CDCA3: variants seen among roughly 807,000 people sequenced by gnomAD.
The protein encoded by CDCA3 is cell division cycle associated 3.
CDCA3 carries 16 observed loss-of-function variants against 29.1 expected under a neutral mutation model. The observed-to-expected ratio is 0.55, with a 90% CI of 0.37 to 0.83. CDCA3 has a LOEUF of 0.83. Among genes scored for constraint, CDCA3 ranks in the 40% least tolerant of loss-of-function variants. CDCA3 has a pLI of 0.00. For missense variants in CDCA3, 291 were observed against 327.2 expected, an observed-to-expected ratio of 0.89 and a Z score of 0.85; for synonymous variants, 88 against 124.5, an observed-to-expected ratio of 0.71 and a Z score of 1.95.
chr12:6,848,619 T>G (rs1943751359), downstream of CDCA3: 1 of 162,296 alleles, frequency 6.2e-6, no homozygotes. Context: ...GAGAGAGACC[T>G]GAAAGTTACC....
rs781925367 is a variant in CDCA3, at chr12:6,850,459, A to G, written c.250+8T>C. On this transcript the variant is annotated splice_region_variant and intron_variant, in intron 3 of 5. Transcript: ENST00000538862. This position sits in a 1 kb window ranked among gnomAD's most constrained non-coding sequence, Gnocchi z 4.7. ...GCTTCATCAGCATTCCCTGGGCCCA[A>G]CGCTTACCTCCACTGCTGGTCTTCA... 1.2e-6 allele frequency: 2 copies of G among 1,614,042 alleles called. No individual in the cohort carries two copies. The highest frequency in any genetic ancestry group is 2.2e-5 in the East Asian group (1 of 44,880).
chr12:6,846,999 T>A, downstream of CDCA3: 1 of 704,586 alleles, frequency 1.4e-6, no homozygotes, highest in Admixed American at 2.1e-5. Flanking sequence ...CCGGGTGCCA[T>A]TCCCACTAAG....
Position 6,849,386 on chromosome 12 carries a change from T to C in CDCA3, c.588A>G (p.Leu196=). ...GCAGGATGGTGAGGGGGGATCTCCC[T>C]AGTACCTTGCTGCTGTTTGGTTTCC... ...NRWKPNSSKV[L]GRSPLTILQD... The change falls in exon 5 of 6, where the codon CTA becomes CTG. Residue 196 remains leucine (L), a synonymous_variant. Transcript: ENST00000538862. This position sits in a 1 kb window ranked among gnomAD's most constrained non-coding sequence, Gnocchi z 5.2. 3 of 1,605,062 alleles carry C rather than the reference T, an allele frequency of 1.9e-6. No individual in the cohort carries two copies. Among genetic ancestry groups the C allele is most frequent in the Non-Finnish European group, 2.6e-6 (3 of 1,175,434 alleles).
chr12:6,846,071 A>G (rs1943690911), downstream of CDCA3: 1 of 449,534 alleles, frequency 2.2e-6, no homozygotes, highest in Non-Finnish European at 4.0e-6. Flanking sequence ...CTGTCCAGTC[A>G]GTTCTGGGTT....
At chr12:6,851,078 GT>G in intron 1 of CDCA3, 69 bp from the exon 2 acceptor site, 2 of 1,428,976 alleles carry the variant, frequency 1.4e-6, no homozygotes, top group Admixed American at 5.9e-5. Flanking sequence ...AAACCACCCT[GT>G]CTTCCCAGTT....
At chr12:6,851,190 A>G (rs185945256) in intron 1 of CDCA3, 32 bp downstream of exon 1, 334 of 1,329,424 alleles carry the variant, frequency 2.5e-4, no homozygotes, top group Admixed American at 5.8e-4. Context: ...TGAGCCCTCT[A>G]ACTTATTTAT....
At chr12:6,847,068 G>A (rs1943720659), downstream of CDCA3, 2 of 587,588 alleles carry the variant, frequency 3.4e-6, no homozygotes, top group Non-Finnish European at 6.1e-6. Flanking sequence ...GCAGCATCAG[G>A]GACACAGGGG....
intron 1 of CDCA3, 52 bp from the exon 2 acceptor site, chr12:6,851,061 C>T: frequency 1.4e-6 from 2 of 1,450,910 alleles, no homozygotes; most frequent in South Asian, 2.9e-5. Context: ...GTCGGACCTT[C>T]AACCCTAAAC....
At chr12:6,845,796 C>T (rs782626186), downstream of CDCA3, 21 of 1,611,644 alleles carry the variant, frequency 1.3e-5, no homozygotes, top group East Asian at 2.2e-5. Flanking sequence ...GAAGTCTGAG[C>T]GTGTGGGTAA....
At chr12:6,846,966 A>G (rs1591594381), downstream of CDCA3, 3 of 863,746 alleles carry the variant, frequency 3.5e-6, no homozygotes, top group East Asian at 7.9e-5. Flanking sequence ...ACCCCATCTC[A>G]TTCAGGTGTT....
chr12:6,845,885 C>A, downstream of CDCA3: 1 of 970,170 alleles, frequency 1.0e-6, no homozygotes. Flanking sequence ...CCCCCATCAG[C>A]TCCCATTTCG....
chr12:6,847,991 G>A (rs1287764405), downstream of CDCA3: 2 of 152,208 alleles, frequency 1.3e-5, no homozygotes, highest in Non-Finnish European at 2.9e-5. Context: ...GATCTCTTGA[G>A]GTCTGGAGTT....
chr12:6,850,930 G>A lies in CDCA3; in HGVS notation c.23C>T (p.Pro8Leu). 6.2e-7 allele frequency: 1 copy of A among 1,611,582 alleles called. No individual in the cohort carries two copies. The highest frequency in any genetic ancestry group is 1.3e-5 in the African/African-American group (1 of 75,062). Reference sequence around the variant, plus strand: ...CGGCGGAGGCCGCGCTGGTGTGACTGGGACGCTCTTGGCTGAGCCCATCTC... The same window carrying A: ...CGGCGGAGGCCGCGCTGGTGTGACTAGGACGCTCTTGGCTGAGCCCATCTC... MGSAKSV[P>L]VTPARPPPHN... is the part of the protein sequence containing the mutation. The change falls in exon 2 of 6, where the codon CCA becomes CTA. Residue 8 changes from proline (P) to leucine (L), a missense_variant. Physicochemically the swap from Pro to Leu is moderately conservative, Grantham distance 98 (BLOSUM62 -3). Transcript: ENST00000538862. The surrounding 1 kb of genome is among the most constrained non-coding windows in gnomAD (Gnocchi z 4.7).
downstream of CDCA3, chr12:6,847,344 A>G: frequency 5.7e-6 from 1 of 174,264 alleles, no homozygotes; most frequent in Non-Finnish European, 1.2e-5. Context: ...TCCTTTTTCT[A>G]CCTTTTTTTC....
chr12:6,849,535 C>G lies in CDCA3; in HGVS notation c.544+30G>C, dbSNP rs782174045. ...ATCCCAAAACATTATCCTAGTTTAT[C>G]TTCCCTGCATCTTGCCTTAGATTCT... On this transcript the variant is annotated intron_variant, in intron 4 of 5. Coordinates refer to ENST00000538862, the MANE Select transcript of CDCA3 (RefSeq NM_031299.7). The surrounding 1 kb of genome is among the most constrained non-coding windows in gnomAD (Gnocchi z 5.2). 5 of 1,582,872 alleles carry G rather than the reference C, an allele frequency of 3.2e-6. No homozygotes were observed. Among genetic ancestry groups the G allele is most frequent in the Non-Finnish European group, 4.3e-6 (5 of 1,161,862 alleles).
At chr12:6,848,808 C>G, downstream of CDCA3, 2 of 515,106 alleles carry the variant, frequency 3.9e-6, no homozygotes, top group Non-Finnish European at 6.9e-6. Flanking sequence ...ACACAGAAAA[C>G]TCGGTGCAAG....
At position 6,848,892 on chromosome 12, in the gene CDCA3, G is replaced by A. The variant is rs1042440931; in HGVS notation, c.*151C>T. On this transcript the variant is annotated 3_prime_UTR_variant, in exon 6 of 6. Transcript: ENST00000538862. ...ATAAAAGAAACACACAAGACACAAA[G>A]AAAGCCCAATAAAGCTGTGAGTCCC... The A allele has an allele frequency of 1.0e-5, 6 of 593,510 alleles. No homozygotes were observed. Among genetic ancestry groups the A allele is most frequent in the Non-Finnish European group, 1.5e-5 (5 of 331,418 alleles). The allele number at this position is 593,510 out of a possible 1,614,324, so 36.8% of individuals were successfully genotyped here.
chr12:6,850,528 G>C lies in CDCA3; in HGVS notation c.189C>G (p.Asp63Glu). The C allele has an allele frequency of 6.2e-7, 1 of 1,614,104 alleles. No homozygotes were observed. The highest frequency in any genetic ancestry group is 1.1e-5 in the South Asian group (1 of 91,088). The change falls in exon 3 of 6, where the codon GAC becomes GAG. Residue 63 changes from aspartate (D) to glutamate (E), a missense_variant. Asp to Glu is a conservative substitution (Grantham distance 45). Transcript: ENST00000538862. The surrounding 1 kb of genome is among the most constrained non-coding windows in gnomAD (Gnocchi z 4.7). ...EQLEGLKHAQ[D>E]SDPRSPTLGI... is the part of the protein sequence containing the mutation. ...CAAGAGTAGGAGAGCGGGGATCTGAGTCCTGGGCATGTTTAAGACCCTCCA... is the reference window on the plus strand; with the variant it reads ...CAAGAGTAGGAGAGCGGGGATCTGACTCCTGGGCATGTTTAAGACCCTCCA...
At chr12:6,845,850 C>T (rs1555124579), downstream of CDCA3, 8 of 1,307,274 alleles carry the variant, frequency 6.1e-6, no homozygotes, top group South Asian at 9.5e-5. Flanking sequence ...AGGACCCTCC[C>T]CAGCCCTCCC....
Sources: allele counts gnomAD v4.1 joint callset, GRCh38; gene constraint gnomAD v4.1.1; non-coding constraint Gnocchi (gnomAD v3.1); transcripts MANE v1.5; gene names NCBI Gene and HGNC (gene_info 2026-07-23, HGNC 2026-07-21).